RGPD5: variants seen among roughly 807,000 people sequenced by gnomAD.
RGPD5 encodes RANBP2 like and GRIP domain containing 5.
At chr2:109,763,337 A>G in the RGPD5 span, among the ~76,000 whole-genome samples, 1 of 150,400 alleles carries the variant, frequency 6.6e-6, no homozygotes. Context: ...AGATAGGAAA[A>G]TTGAAGATGG....
the RGPD5 span, among the ~76,000 whole-genome samples, chr2:109,767,648 G>A: frequency 4.2e-3 from 618 of 148,566 alleles, 30 homozygotes; most frequent in African/African-American, 0.015. Flanking sequence ...GTGTTTGAAG[G>A]CATTTAGCTG....
chr2:109,772,070 AAAAAG>A, the RGPD5 span, among the ~76,000 whole-genome samples: 1 of 20,854 alleles, frequency 4.8e-5, no homozygotes, highest in Non-Finnish European at 8.7e-5. Context: ...AGAAAGAAAA[AAAAAG>A]TAATGTTTTA....
the RGPD5 span, among the ~76,000 whole-genome samples, chr2:109,774,547 TATAATA>T: frequency 2.0e-5 from 2 of 100,000 alleles, 1 homozygote; most frequent in Admixed American, 2.9e-4. Context: ...ATAAAATATA[TATAATA>T]TATATATGTA....
chr2:109,774,522 T>A, the RGPD5 span, among the ~76,000 whole-genome samples: 3 of 83,364 alleles, frequency 3.6e-5, no homozygotes, highest in African/African-American at 1.4e-4. Context: ...ATAATATATA[T>A]TATATATATT....
intron 1 of RGPD5, 77 bp downstream of exon 1, chr2:109,794,614 G>GGGCGGCGGC (rs1176515402): frequency 2.8e-5 from 2 of 72,294 alleles, no homozygotes; most frequent in African/African-American, 1.1e-4. Flanking sequence ...GCGGCGGGGG[G>GGGCGGCGGC]GGCGGCGGCG....
the RGPD5 span, among the ~76,000 whole-genome samples, chr2:109,771,411 C>T: frequency 2.9e-5 from 3 of 102,412 alleles, no homozygotes; most frequent in Admixed American, 3.4e-4. Flanking sequence ...TACTGTAGAG[C>T]CCAGGACAGA....
chr2:109,766,525 ATTGTG>A, the RGPD5 span, among the ~76,000 whole-genome samples: 4 of 150,468 alleles, frequency 2.7e-5, no homozygotes, highest in African/African-American at 4.9e-5. Flanking sequence ...GAAGATGAGT[ATTGTG>A]TGTGGGGAAA....
At chr2:109,761,492 CG>C in the RGPD5 span, among the ~76,000 whole-genome samples, 4 of 148,350 alleles carry the variant, frequency 2.7e-5, no homozygotes, top group African/African-American at 7.4e-5. Context: ...GCTCGCAGCC[CG>C]GGGGGCACTC....
chr2:109,799,243 A>G (rs1290041824), intron 1 of RGPD5, among the ~76,000 whole-genome samples: 3 of 138,272 alleles, frequency 2.2e-5, no homozygotes, highest in Non-Finnish European at 4.6e-5. Flanking sequence ...ATCTCAAAAA[A>G]AAAAAAAAAA....
the RGPD5 span, among the ~76,000 whole-genome samples, chr2:109,766,129 G>A: frequency 1.3e-5 from 2 of 150,812 alleles, no homozygotes; most frequent in South Asian, 2.1e-4. Context: ...AGGTCACCGT[G>A]TAGTTGACTG....
the RGPD5 span, among the ~76,000 whole-genome samples, chr2:109,774,686 GT>G: frequency 6.1e-5 from 3 of 49,276 alleles, no homozygotes; most frequent in Admixed American, 3.8e-4. Flanking sequence ...TTTTAGACTA[GT>G]GGAATTCTAA....
the RGPD5 span, among the ~76,000 whole-genome samples, chr2:109,766,986 A>G: frequency 1.4e-5 from 2 of 142,708 alleles, no homozygotes; most frequent in African/African-American, 2.6e-5. Context: ...TTCTGAATTC[A>G]GCTGGCCCCA....
At chr2:109,761,002 C>T in the RGPD5 span, among the ~76,000 whole-genome samples, 1 of 135,750 alleles carries the variant, frequency 7.4e-6, no homozygotes, top group South Asian at 2.5e-4. Flanking sequence ...GCGGCCCGCC[C>T]CAGCCCAGGG....
At chr2:109,766,258 G>C in the RGPD5 span, among the ~76,000 whole-genome samples, 1 of 151,210 alleles carries the variant, frequency 6.6e-6, no homozygotes, top group African/African-American at 2.4e-5. Flanking sequence ...TGGGGAAGGG[G>C]CTGCTCATCA....
At chr2:109,764,013 G>T in the RGPD5 span, among the ~76,000 whole-genome samples, 1 of 143,434 alleles carries the variant, frequency 7.0e-6, no homozygotes, top group Non-Finnish European at 1.5e-5. Context: ...CTTCTTGCAC[G>T]CTCTTCCTGC....
the RGPD5 span, among the ~76,000 whole-genome samples, chr2:109,765,871 T>C: frequency 6.6e-6 from 1 of 150,660 alleles, no homozygotes; most frequent in Non-Finnish European, 1.5e-5. Flanking sequence ...CTTTTTAGAC[T>C]TTACTTCATG....
chr2:109,760,705 T>G, the RGPD5 span, among the ~76,000 whole-genome samples: 1 of 145,578 alleles, frequency 6.9e-6, no homozygotes, highest in African/African-American at 2.5e-5. Flanking sequence ...GCGGCGACGC[T>G]GACACCTCCC....
chr2:109,760,633 G>A, the RGPD5 span, among the ~76,000 whole-genome samples: 2 of 143,844 alleles, frequency 1.4e-5, no homozygotes, highest in Non-Finnish European at 3.1e-5. Flanking sequence ...TGCACCTTGA[G>A]CGGCGCCTTT....
the RGPD5 span, among the ~76,000 whole-genome samples, chr2:109,766,365 CT>C: frequency 6.6e-6 from 1 of 150,542 alleles, no homozygotes; most frequent in Admixed American, 6.8e-5. Flanking sequence ...TTGGAGAAAG[CT>C]GGGTGGAGAG....
Sources: gnomAD v4.1 joint callset for allele counts (sites outside exome capture counted in the v4.1 genomes callset) on GRCh38, gnomAD v4.1.1 for gene constraint, MANE v1.5 for transcripts, NCBI Gene and HGNC (gene_info 2026-07-23, HGNC 2026-07-21) for gene names.